The following NDC1 variants were observed in gnomAD, a reference collection of about 807,000 sequenced individuals.
NDC1 encodes the protein NDC1 transmembrane nucleoporin.
NDC1 carries 24 observed loss-of-function variants against 89.8 expected under a neutral mutation model. That is an observed-to-expected ratio of 0.27 (90% CI 0.19 to 0.38). NDC1 has a LOEUF of 0.38. Ranked by LOEUF, NDC1 falls within the 10% of genes least tolerant of loss-of-function variation. The pLI, the probability that NDC1 is intolerant of heterozygous loss-of-function variation, is 1.00. For synonymous variants in NDC1, 296 were observed against 284.8 expected (o/e 1.04, Z -0.39); for missense variants, 728 against 797.6 (o/e 0.91, Z 1.05).
Position 53,825,879 on chromosome 1 carries a change from C to G in NDC1, c.513G>C (p.Leu171=). ...CLNEYHLFFL[L]TGAFMGYSYS... is the part of the protein sequence containing the mutation. The stretch of plus-strand genomic sequence containing the variant: ...AGCTATAGCCCATAAATGCTCCAGT[C>G]AGTAGGAAAAAAAGATGATATTCAT... The change falls in exon 5 of 18, where the codon CTG becomes CTC. Residue 171 remains leucine, a synonymous_variant. Coordinates refer to ENST00000371429, the MANE Select transcript of NDC1 (RefSeq NM_018087.5). 1 of 1,610,214 alleles carries G rather than the reference C, an allele frequency of 6.2e-7. No homozygotes were observed. The highest frequency in any genetic ancestry group is 8.5e-7 in the Non-Finnish European group (1 of 1,178,774).
intron 14 of NDC1, among the ~76,000 whole-genome samples, chr1:53,792,876 C>A (rs1399124000): frequency 6.6e-6 from 1 of 152,212 alleles, no homozygotes; most frequent in Non-Finnish European, 1.5e-5. Context: ...AAAATGGTCA[C>A]AAAGACGCTA....
chr1:53,834,404 G>A (rs1305913775), intron 2 of NDC1, among the ~76,000 whole-genome samples: 1 of 152,228 alleles, frequency 6.6e-6, no homozygotes. Flanking sequence ...CACCTGACCA[G>A]TGGGACCTAT....
chr1:53,821,519 G>A (rs965992869), intron 5 of NDC1, among the ~76,000 whole-genome samples: 9 of 152,154 alleles, frequency 5.9e-5, no homozygotes, highest in African/African-American at 2.2e-4. Flanking sequence ...ATATTGGTCT[G>A]TTCAAATATT....
chr1:53,791,026 C>T (rs114736546), intron 14 of NDC1, among the ~76,000 whole-genome samples: 2,045 of 152,250 alleles, frequency 0.013, 41 homozygotes, highest in African/African-American at 0.047. Context: ...CTACTTCTCT[C>T]CATCCTCCTC....
At chr1:53,801,101 A>C (rs1210640351) in intron 10 of NDC1, among the ~76,000 whole-genome samples, 3 of 152,018 alleles carry the variant, frequency 2.0e-5, no homozygotes, top group African/African-American at 7.3e-5. Flanking sequence ...AAAAAAAAAA[A>C]AAACAAAAAA....
intron 6 of NDC1, among the ~76,000 whole-genome samples, chr1:53,811,728 T>C (rs1420285592): frequency 2.1e-5 from 3 of 142,732 alleles, no homozygotes; most frequent in African/African-American, 7.8e-5. Flanking sequence ...CCCCACCCAC[T>C]GCCAGTCCCT....
intron 15 of NDC1, among the ~76,000 whole-genome samples, chr1:53,788,897 C>CAA (rs34635350): frequency 1.5e-5 from 2 of 137,074 alleles, no homozygotes; most frequent in African/African-American, 2.7e-5. Flanking sequence ...ACTCTGTCTC[C>CAA]AAAAAAAAAA....
Position 53,809,733 on chromosome 1 carries a change from T to G in NDC1, c.717A>C (p.Lys239Asn), listed in dbSNP as rs1376440855. ...ILYYFLGYIP[K>N]AWISTAMNLH... is the part of the protein sequence containing the mutation. ...GGTTCATAGCAGTGCTAATCCAAGC[T>G]TTGGGAATATAGCCTGAAGGGAAAA... The change falls in exon 7 of 18, where the codon AAA becomes AAC. Residue 239 changes from lysine to asparagine, a missense_variant. Lys to Asn is a moderately conservative substitution (Grantham distance 94). Coordinates refer to ENST00000371429, the MANE Select transcript of NDC1 (RefSeq NM_018087.5). 6.2e-7 allele frequency: 1 copy of G among 1,612,696 alleles called. No individual in the cohort carries two copies. The highest frequency in any genetic ancestry group is 8.5e-7 in the Non-Finnish European group (1 of 1,178,998).
At chr1:53,827,935 A>T in intron 4 of NDC1, 64 bp downstream of exon 4, 1 of 1,320,704 alleles carries the variant, frequency 7.6e-7, no homozygotes, top group Non-Finnish European at 1.0e-6. Flanking sequence ...GGATTAACCT[A>T]TATAGGTCAC....
At position 53,835,506 on chromosome 1, in the gene NDC1, G is replaced by A; in HGVS notation, c.172C>T (p.Leu58=). The part of the protein sequence containing the change: ...RIDLFHPIQW[L]SDSFSDLYSS... ...CAAGTTGAGTATCACCTACCAGACA[G>A]CCACTGTATAGGATGAAACAAATCA... Residue 58 remains leucine, a synonymous_variant, in exon 2 of 18, where the codon CTG becomes TTG. Coordinates refer to ENST00000371429, the MANE Select transcript of NDC1 (RefSeq NM_018087.5). 1 of 1,608,862 alleles carries A rather than the reference G, an allele frequency of 6.2e-7. No homozygotes were observed.
intron 11 of NDC1, among the ~76,000 whole-genome samples, chr1:53,800,470 G>A (rs1032996437): frequency 1.3e-5 from 2 of 151,494 alleles, no homozygotes; most frequent in Admixed American, 6.6e-5. Flanking sequence ...GGGACTACAG[G>A]TGCACGCCAC....
At chr1:53,838,003 G>C (rs1024959584) in intron 1 of NDC1, among the ~76,000 whole-genome samples, 4 of 152,062 alleles carry the variant, frequency 2.6e-5, no homozygotes, top group Non-Finnish European at 4.4e-5. Flanking sequence ...TTCCACTCAG[G>C]ACCCCTCTCC....
chr1:53,834,916 TG>T (rs1251794565), intron 2 of NDC1, among the ~76,000 whole-genome samples: 1 of 152,038 alleles, frequency 6.6e-6, no homozygotes, highest in African/African-American at 2.4e-5. Context: ...AAGACCAGCC[TG>T]GGTAACGTGG....
In NDC1 at chr1:53,807,767, T is replaced by C. The variant is rs1226277200; in HGVS notation, c.780A>G (p.Thr260=). 1.2e-6 allele frequency: 2 copies of C among 1,612,106 alleles called. No individual in the cohort carries two copies. Among genetic ancestry groups the C allele is most frequent in the Non-Finnish European group, 1.7e-6 (2 of 1,179,336 alleles). ...IDEQVHRPLD[T]VSGLLNLSLL... ...ACGAGAGATTTAAGAGGCCACTCAC[T>C]GTGTCAAGTGGCCTATGAACCTGCC... Residue 260 remains threonine, a synonymous_variant, in exon 8 of 18, where the codon ACA becomes ACG. Transcript: ENST00000371429.
chr1:53,800,444 A>G (rs969955762), intron 11 of NDC1, among the ~76,000 whole-genome samples: 1 of 142,010 alleles, frequency 7.0e-6, no homozygotes, highest in Non-Finnish European at 1.5e-5. Flanking sequence ...CTCCTGCCTC[A>G]GCCTCCTGAG....
At chr1:53,801,058 G>C (rs1182393088) in intron 10 of NDC1, among the ~76,000 whole-genome samples, 1 of 139,616 alleles carries the variant, frequency 7.2e-6, no homozygotes, top group Non-Finnish European at 1.5e-5. Context: ...AAGTCTACAA[G>C]CAAAAACTTG....
chr1:53,782,279 T>C (rs1186483830), intron 16 of NDC1, among the ~76,000 whole-genome samples: 3 of 151,982 alleles, frequency 2.0e-5, no homozygotes, highest in Admixed American at 1.3e-4. Flanking sequence ...AGTAACTCAG[T>C]TGAGAGTCCA....
chr1:53,783,839 G>C (rs144810006), intron 16 of NDC1, among the ~76,000 whole-genome samples: 1 of 152,282 alleles, frequency 6.6e-6, no homozygotes, highest in Non-Finnish European at 1.5e-5. Context: ...CTAGGACCAC[G>C]AGCCAAATTA....
intron 1 of NDC1, among the ~76,000 whole-genome samples, chr1:53,837,150 C>G (rs1024100744): frequency 2.0e-5 from 3 of 152,166 alleles, no homozygotes; most frequent in African/African-American, 7.2e-5. Context: ...TAAACATACA[C>G]CAGGCACGAT....
Sources: gnomAD v4.1 joint callset for allele counts (sites outside exome capture counted in the v4.1 genomes callset) on GRCh38, gnomAD v4.1.1 for gene constraint, MANE v1.5 for transcripts, NCBI Gene and HGNC (gene_info 2026-07-23, HGNC 2026-07-21) for gene names.